Variants in SIPA1L3 observed in about 807,000 individuals in gnomAD.
SIPA1L3 encodes signal induced proliferation associated 1 like 3.
In SIPA1L3, 59 loss-of-function variants were observed where a neutral mutation model predicts 150.1. The observed-to-expected ratio is 0.39, with a 90% confidence interval of 0.32 to 0.49. The LOEUF (loss-of-function observed/expected upper bound fraction) is 0.49. Among genes scored for constraint, SIPA1L3 ranks in the 20% least tolerant of loss-of-function variants. The pLI is 0.86. For missense variants in SIPA1L3, 2,211 were observed against 2,489.5 expected, an observed-to-expected ratio of 0.89 and a Z score of 2.38; for synonymous variants, 1,070 against 1,077.6, an observed-to-expected ratio of 0.99 and a Z score of 0.14.
intron 1 of SIPA1L3, among the ~76,000 whole-genome samples, chr19:37,962,411 T>C (rs968644578): frequency 1.3e-5 from 2 of 148,780 alleles, no homozygotes; most frequent in Admixed American, 1.4e-4. Context: ...CTGAAAGTGC[T>C]GGGGTTACAG....
chr19:38,043,137 C>T (rs1296408438), intron 2 of SIPA1L3, among the ~76,000 whole-genome samples: 6 of 152,068 alleles, frequency 3.9e-5, no homozygotes, highest in Non-Finnish European at 5.9e-5. Context: ...GTCAGGAGTT[C>T]GAGACCAGCC....
chr19:37,938,103 C>G (rs2046618186), intron 1 of SIPA1L3, among the ~76,000 whole-genome samples: 1 of 152,120 alleles, frequency 6.6e-6, no homozygotes, highest in African/African-American at 2.4e-5. Flanking sequence ...TTGCATTTTT[C>G]AGCTAATATT....
intron 16 of SIPA1L3, chr19:38,186,362 G>C (rs1255466124): frequency 6.6e-6 from 1 of 151,658 alleles, no homozygotes; most frequent in Non-Finnish European, 1.5e-5. Flanking sequence ...GCCCAGGTTG[G>C]AGTGCAGTGG....
chr19:37,920,714 C>CT (rs1238354478), intron 1 of SIPA1L3, among the ~76,000 whole-genome samples: 12 of 152,114 alleles, frequency 7.9e-5, no homozygotes, highest in South Asian at 2.1e-4. Context: ...TTGCTTTTTT[C>CT]TTTTTTTTGT....
intron 12 of SIPA1L3, among the ~76,000 whole-genome samples, chr19:38,144,598 C>T (rs568753295): frequency 3.3e-5 from 5 of 152,350 alleles, no homozygotes; most frequent in African/African-American, 1.2e-4. Context: ...TTGTTAGATT[C>T]TAAGCCTCTT....
At position 38,016,886 on chromosome 19, in the gene SIPA1L3, CTTTTTTTTTTTTTTT is replaced by C. The variant is rs58459050; in HGVS notation, c.-378-12189_-378-12175del. Among the ~76,000 whole-genome samples, 91 of 69,142 alleles carry C rather than the reference CTTTTTTTTTTTTTTT, an allele frequency of 1.3e-3. 1 individual carries two copies. Among genetic ancestry groups the C allele is most frequent in the African/African-American group, 5.3e-3 (80 of 15,054 alleles). 45.4% of individuals were successfully genotyped at this position (69,142 alleles called of 152,430 possible). ...ATACTTCTTTTTCTGCCTCCTCTGG[CTTTTTTTTTTTTTTT>C]TTTTTTTTTTTTTGAGACTGAGTCT... is the stretch of plus-strand genomic sequence containing the variant. On this transcript the variant is annotated intron_variant, in intron 1 of 21. Transcript: ENST00000222345.
intron 15 of SIPA1L3, among the ~76,000 whole-genome samples, chr19:38,181,803 A>C (rs1972558380): frequency 6.9e-6 from 1 of 145,502 alleles, no homozygotes; most frequent in Non-Finnish European, 1.5e-5. Flanking sequence ...CTGAGATTGC[A>C]CCACTGCACT....
In SIPA1L3 at chr19:37,916,223, T is replaced by A. The variant is rs375012742; in HGVS notation, c.-379+8865T>A. 2.7e-3 allele frequency among the ~76,000 whole-genome samples: 408 copies of A among 151,366 alleles called. 7 individuals carry two copies. In the South Asian group the frequency reaches 0.045, roughly 17 times the overall value. ...TATATTTTTAGTAGAGATGGGGTTT[T>A]ACCATGTTGGCCAGGCTGGTCTCAA... On this transcript the variant is annotated intron_variant, in intron 1 of 21. Transcript: ENST00000222345.
At chr19:38,124,939 C>G (rs1319125845) in intron 9 of SIPA1L3, among the ~76,000 whole-genome samples, 1 of 143,886 alleles carries the variant, frequency 6.9e-6, no homozygotes, top group Non-Finnish European at 1.5e-5. Context: ...TGCAGTGAGC[C>G]GAGATGGCAG....
intron 2 of SIPA1L3, among the ~76,000 whole-genome samples, chr19:38,035,010 C>A (rs1307923386): frequency 6.6e-6 from 1 of 152,172 alleles, no homozygotes; most frequent in East Asian, 1.9e-4. Flanking sequence ...GGGAAGCAGA[C>A]CTTCAGACCC....
intron 8 of SIPA1L3, among the ~76,000 whole-genome samples, chr19:38,111,483 C>T (rs987620254): frequency 1.5e-4 from 23 of 152,118 alleles, no homozygotes; most frequent in African/African-American, 3.4e-4. Flanking sequence ...AGTCTGATTG[C>T]GCCTGAGTCC....
intron 18 of SIPA1L3, among the ~76,000 whole-genome samples, chr19:38,194,186 A>T (rs1210176678): frequency 7.7e-6 from 1 of 130,320 alleles, no homozygotes; most frequent in African/African-American, 2.9e-5. Context: ...GACTGCTCCC[A>T]TGTTTGCCAC....
intron 2 of SIPA1L3, among the ~76,000 whole-genome samples, chr19:38,029,583 C>T (rs113704422): frequency 0.011 from 1,669 of 151,824 alleles, 32 homozygotes; most frequent in African/African-American, 0.039. Flanking sequence ...AGAGTAAAAC[C>T]CTCTTTTGGT....
intron 16 of SIPA1L3, among the ~76,000 whole-genome samples, chr19:38,187,112 G>A (rs1187297831): frequency 2.0e-5 from 3 of 151,054 alleles, no homozygotes; most frequent in Non-Finnish European, 4.4e-5. Flanking sequence ...GCTGGGAGTT[G>A]GAAGCCAGCC....
intron 16 of SIPA1L3, among the ~76,000 whole-genome samples, chr19:38,189,669 G>A (rs1972763106): frequency 6.6e-6 from 1 of 152,154 alleles, no homozygotes; most frequent in African/African-American, 2.4e-5. Flanking sequence ...GGGAAGCTGA[G>A]GCAGGAGAAT....
intron 9 of SIPA1L3, among the ~76,000 whole-genome samples, chr19:38,126,672 G>A (rs1971180429): frequency 6.6e-6 from 1 of 151,786 alleles, no homozygotes; most frequent in Non-Finnish European, 1.5e-5. Context: ...AAGTAGCTGG[G>A]ATTACAGATG....
intron 1 of SIPA1L3, among the ~76,000 whole-genome samples, chr19:37,959,365 A>G (rs1044581729): frequency 5.3e-5 from 8 of 152,218 alleles, no homozygotes; most frequent in Admixed American, 1.3e-4. Flanking sequence ...GTACTGATAC[A>G]GACTACAACA....
chr19:37,947,998 G>C (rs1423862265), intron 1 of SIPA1L3, among the ~76,000 whole-genome samples: 1 of 152,194 alleles, frequency 6.6e-6, no homozygotes, highest in African/African-American at 2.4e-5. Flanking sequence ...TCAGATGTCT[G>C]ATCCTTCAGG....
intron 18 of SIPA1L3, among the ~76,000 whole-genome samples, chr19:38,195,793 T>TCTCCCCCC (rs1972910693): frequency 5.0e-5 from 1 of 20,028 alleles, no homozygotes; most frequent in African/African-American, 3.0e-4. Context: ...ACAGGCCCCG[T>TCTCCCCCC]CCCCCCCCGC....
Sources: allele counts gnomAD v4.1 joint callset (sites outside exome capture counted in the v4.1 genomes callset), GRCh38; gene constraint gnomAD v4.1.1; transcripts MANE v1.5; gene names NCBI Gene and HGNC (gene_info 2026-07-23, HGNC 2026-07-21).